Variants in TGM1 observed in about 807,000 individuals in gnomAD.
TGM1 encodes the protein transglutaminase 1.
A neutral mutation model predicts 88.7 loss-of-function variants in TGM1; 63 were observed. The observed-to-expected ratio is 0.71, with a 90% CI of 0.58 to 0.88. TGM1 has a LOEUF of 0.88. TGM1 is among the 40% of genes least tolerant of loss of function. The pLI is 0.00. For missense variants in TGM1, 996 were observed against 1,118.0 expected (o/e 0.89, Z 1.56); for synonymous variants, 415 against 431.1 (o/e 0.96, Z 0.46).
At chr14:24,254,504 C>T (rs2040727590) in intron 13 of TGM1, among the ~76,000 whole-genome samples, 160 bp downstream of exon 13, 2 of 152,238 alleles carry the variant, frequency 1.3e-5, no homozygotes, top group Admixed American at 6.5e-5. Flanking sequence ...AGATCCCATG[C>T]TACAGATGAG....
At chr14:24,260,266 G>C (rs953762316) in intron 4 of TGM1, 184 bp downstream of exon 4, 38 of 1,050,318 alleles carry the variant, frequency 3.6e-5, no homozygotes, top group Non-Finnish European at 4.9e-5. Context: ...GGAGAGGTGT[G>C]GCTGGCTGTG....
rs552834286 is a variant in TGM1 at position 24,258,561 on chromosome 14, C to T, written c.1272G>A (p.Leu424=). The change falls in exon 8 of 15, where the codon CTG becomes CTA. Residue 424 remains leucine (L), a synonymous_variant. Coordinates refer to ENST00000206765, the MANE Select transcript of TGM1 (RefSeq NM_000359.3). ...AGACAGAATCATGGTTCAGGTGCTC[C>T]AGGGGCTTCATGTTCTCGTCGAAGT... is the stretch of plus-strand genomic sequence containing the variant. The part of the protein sequence containing the change: ...DIYFDENMKP[L]EHLNHDSVWN... 2 of 1,614,172 alleles carry T rather than the reference C, an allele frequency of 1.2e-6. No homozygotes were observed. Among genetic ancestry groups the T allele is most frequent in the Middle Eastern group, 1.6e-4 (1 of 6,062 alleles).
chr14:24,251,747 G>GCCAC (rs899589525), intron 14 of TGM1, among the ~76,000 whole-genome samples: 2 of 152,196 alleles, frequency 1.3e-5, no homozygotes, highest in East Asian at 1.9e-4. Context: ...GCTCAGTGAT[G>GCCAC]CCACGGTCAG....
At position 24,262,204 on chromosome 14, in the gene TGM1, C is replaced by T. The variant is rs2040819294; in HGVS notation, c.149G>A (p.Cys50Tyr). 3 of 1,613,762 alleles carry T rather than the reference C, an allele frequency of 1.9e-6. No individual in the cohort carries two copies. The highest frequency in any genetic ancestry group is 2.5e-6 in the Non-Finnish European group (3 of 1,180,056). The stretch of plus-strand genomic sequence containing the variant: ...ATCTGCCGCATTTCGGCATGAACAG[C>T]AGCCACAGCAGCGAGCCCAGAAGGA... ...GRSFWARCCG[C>Y]CSCRNAADDD... The change falls in exon 2 of 15, where the codon TGC becomes TAC. Residue 50 changes from cysteine to tyrosine, a missense_variant. Coordinates refer to ENST00000206765, the MANE Select transcript of TGM1 (RefSeq NM_000359.3).
intron 14 of TGM1, among the ~76,000 whole-genome samples, chr14:24,250,148 CTGTGTGTG>C (rs1158480309): frequency 1.4e-5 from 2 of 142,956 alleles, no homozygotes; most frequent in African/African-American, 2.7e-5. Flanking sequence ...CCTTATGTCT[CTGTGTGTG>C]TGTGTGTGTG....
chr14:24,256,293 G>A (rs1167588068), intron 9 of TGM1, among the ~76,000 whole-genome samples: 1 of 152,214 alleles, frequency 6.6e-6, no homozygotes, highest in Admixed American at 6.5e-5. Context: ...AGAGAGAGCG[G>A]CTCCATTTGG....
At chr14:24,258,175 G>A in intron 9 of TGM1, 110 bp downstream of exon 9, 8 of 813,234 alleles carry the variant, frequency 9.8e-6, no homozygotes. Flanking sequence ...GAAGCCGCGG[G>A]GTTACATGGC....
At chr14:24,260,082 C>G (rs201687188) in intron 4 of TGM1, 24 bp from the exon 5 acceptor site, 2 of 1,603,944 alleles carry the variant, frequency 1.2e-6, no homozygotes, top group African/African-American at 1.3e-5. Flanking sequence ...ACACACAAAA[C>G]TGGTTCCCTC....
intron 14 of TGM1, among the ~76,000 whole-genome samples, chr14:24,253,492 G>C (rs2040717956): frequency 6.6e-6 from 1 of 151,748 alleles, no homozygotes; most frequent in African/African-American, 2.4e-5. Flanking sequence ...GAGAGAGAGA[G>C]AGACACACGG....
Position 24,262,504 on chromosome 14 carries a change from C to T in TGM1, c.-2-150G>A, listed in dbSNP as rs571327943. On this transcript the variant is annotated intron_variant, in intron 1 of 14. Coordinates refer to ENST00000206765, the MANE Select transcript of TGM1 (RefSeq NM_000359.3). ...AGATTCTCCAGACACATCCAGAGAC[C>T]TTCCGCGAAGACCATTCAGACTCAC... 5 of 870,564 alleles carry T rather than the reference C, an allele frequency of 5.7e-6. No individual in the cohort carries two copies. In the East Asian group the frequency reaches 1.1e-4, roughly 18 times the overall value. 53.9% of individuals were successfully genotyped at this position (870,564 alleles called of 1,614,324 possible).
Position 24,259,088 on chromosome 14 carries a change from G to A in TGM1, c.1146C>T (p.Gly382=), listed in dbSNP as rs1126432. ...VPYGQCWVFA[G]VTTTVLRCLG... The stretch of plus-strand genomic sequence containing the variant: ...TCCCTCCACTACCTGTGGTGGTCAC[G>A]CCAGCAAAGACCCAGCACTGGCCAT... Residue 382 remains glycine (G), a synonymous_variant, in exon 7 of 15, where the codon GGC becomes GGT. Coordinates refer to ENST00000206765, the MANE Select transcript of TGM1 (RefSeq NM_000359.3). The surrounding 1 kb of genome is among the most constrained non-coding windows in gnomAD (Gnocchi z 5.7). 13 of 1,613,750 alleles carry A rather than the reference G, an allele frequency of 8.1e-6. No homozygotes were observed. Among genetic ancestry groups the A allele is most frequent in the East Asian group, 2.2e-5 (1 of 44,896 alleles).
At chr14:24,253,482 G>A (rs1264958092) in intron 14 of TGM1, among the ~76,000 whole-genome samples, 1 of 145,360 alleles carries the variant, frequency 6.9e-6, no homozygotes, top group Non-Finnish European at 1.6e-5. Flanking sequence ...GTGTGTGACA[G>A]AGAGAGAGAG....
In TGM1 at chr14:24,261,752, G is replaced by GC; in HGVS notation, c.450_451insG (p.Leu151AlafsTer8). On this transcript the variant is annotated frameshift_variant, in exon 3 of 15. Coordinates refer to ENST00000206765, the MANE Select transcript of TGM1 (RefSeq NM_000359.3). LOFTEE classifies it high-confidence loss of function. Reference sequence around the variant, plus strand: ...GATTCATAGGTCCGGGACAGGAGGAGGAGCATATGGAAAGGCTGCCCGCGG... The same window carrying GC: ...GATTCATAGGTCCGGGACAGGAGGAGCGAGCATATGGAAAGGCTGCCCGCGG... 1 of 1,614,136 alleles carries GC rather than the reference G, an allele frequency of 6.2e-7. No homozygotes were observed. Among genetic ancestry groups the GC allele is most frequent in the East Asian group, 2.2e-5 (1 of 44,872 alleles).
Position 24,255,961 on chromosome 14 carries a change from A to G in TGM1, c.1491+28T>C. ...ACCAGAGAACCCATGACTGAAGCCC[A>G]AGAAGGCACCTGGAGCCCAGCCCTC... On this transcript the variant is annotated intron_variant, in intron 10 of 14. Coordinates refer to ENST00000206765, the MANE Select transcript of TGM1 (RefSeq NM_000359.3). This position sits in a 1 kb window ranked among gnomAD's most constrained non-coding sequence, Gnocchi z 4.0. 2 of 1,543,228 alleles carry G rather than the reference A, an allele frequency of 1.3e-6. No individual in the cohort carries two copies. Among genetic ancestry groups the G allele is most frequent in the Non-Finnish European group, 1.8e-6 (2 of 1,138,650 alleles).
chr14:24,260,360 C>CA, intron 4 of TGM1, 90 bp downstream of exon 4: 1 of 1,572,926 alleles, frequency 6.4e-7, no homozygotes, highest in Non-Finnish European at 8.6e-7. Flanking sequence ...TGGGGTCAGG[C>CA]ACCTAGGCAC....
In TGM1 at chr14:24,251,566, T is replaced by C. The variant is rs540379160; in HGVS notation, c.2226-2025A>G. Among the ~76,000 whole-genome samples the C allele has an allele frequency of 3.3e-4, 51 of 152,340 alleles. No homozygotes were observed. In the South Asian group the frequency reaches 9.9e-3, roughly 30 times the overall value. ...GCTAAAGCTGGGATGTTCCTGGAAC[T>C]GAGTGTGGGTCATGAAACCAACTCC... On this transcript the variant is annotated intron_variant, in intron 14 of 14. Coordinates refer to ENST00000206765, the MANE Select transcript of TGM1 (RefSeq NM_000359.3).
In TGM1 at chr14:24,255,942, G is replaced by A. The variant is rs375705776; in HGVS notation, c.1491+47C>T. 1 of 1,472,216 alleles carries A rather than the reference G, an allele frequency of 6.8e-7. No individual in the cohort carries two copies. The highest frequency in any genetic ancestry group is 9.3e-7 in the Non-Finnish European group (1 of 1,074,688). 91.2% of individuals were successfully genotyped at this position (1,472,216 alleles called of 1,614,324 possible). On this transcript the variant is annotated intron_variant, in intron 10 of 14. Coordinates refer to ENST00000206765, the MANE Select transcript of TGM1 (RefSeq NM_000359.3). The surrounding 1 kb of genome is among the most constrained non-coding windows in gnomAD (Gnocchi z 4.0). ...AGTCAGCGGTGAAGTTGGGACCAGAGAACCCATGACTGAAGCCCAAGAAGG... is the reference window on the plus strand; with the variant it reads ...AGTCAGCGGTGAAGTTGGGACCAGAAAACCCATGACTGAAGCCCAAGAAGG...
chr14:24,257,156 C>G (rs2040758484), intron 9 of TGM1, among the ~76,000 whole-genome samples: 1 of 152,162 alleles, frequency 6.6e-6, no homozygotes, highest in African/African-American at 2.4e-5. Flanking sequence ...ACAGGCATCA[C>G]CGGGTTGCAC....
At chr14:24,253,790 T>C (rs2040720421) in intron 14 of TGM1, among the ~76,000 whole-genome samples, 1 of 152,204 alleles carries the variant, frequency 6.6e-6, no homozygotes, top group African/African-American at 2.4e-5. Context: ...CCTTCTAATG[T>C]ACTTAAATTA....
Sources: allele counts gnomAD v4.1 joint callset (sites outside exome capture counted in the v4.1 genomes callset), GRCh38; gene constraint gnomAD v4.1.1; non-coding constraint Gnocchi (gnomAD v3.1); transcripts MANE v1.5; gene names NCBI Gene and HGNC (gene_info 2026-07-23, HGNC 2026-07-21).